Variants in TGFBR3 observed in about 807,000 individuals in gnomAD.
The protein encoded by TGFBR3 is transforming growth factor beta receptor 3, also known as transforming growth factor beta receptor type 3.
A neutral mutation model predicts 87.9 loss-of-function variants in TGFBR3; 46 were observed. The observed-to-expected ratio is 0.52, with a 90% CI of 0.41 to 0.67. The LOEUF is 0.67. Among genes scored for constraint, TGFBR3 ranks in the 30% least tolerant of loss-of-function variants. The pLI, the probability that TGFBR3 is intolerant of heterozygous loss-of-function variation, is 0.00. For synonymous variants in TGFBR3, 381 were observed against 391.6 expected, an observed-to-expected ratio of 0.97 and a Z score of 0.32; for missense variants, 866 against 1,041.9, an observed-to-expected ratio of 0.83 and a Z score of 2.32.
At chr1:91,890,068 T>C (rs1679413853), upstream of TGFBR3, among the ~76,000 whole-genome samples, 1 of 152,232 alleles carries the variant, frequency 6.6e-6, no homozygotes, top group African/African-American at 2.4e-5. Flanking sequence ...TATTTGTTAC[T>C]GTAAGATACC....
chr1:91,830,167 A>G (rs717923), intron 2 of TGFBR3: 19,045 of 152,258 alleles, frequency 0.13, 1,510 homozygotes, highest in East Asian at 0.38. Context: ...CCTGAGCAAT[A>G]CAAGGCTGTG....
intron 5 of TGFBR3, among the ~76,000 whole-genome samples, chr1:91,733,140 C>G (rs372308698): frequency 1.3e-5 from 2 of 152,208 alleles, no homozygotes; most frequent in Non-Finnish European, 2.9e-5. Context: ...CCCAGCCCTC[C>G]TCTAAGTCCC....
At chr1:91,839,172 C>A (rs1677174642) in intron 2 of TGFBR3, among the ~76,000 whole-genome samples, 2 of 152,096 alleles carry the variant, frequency 1.3e-5, no homozygotes, top group Admixed American at 6.6e-5. Context: ...GAGACACGGT[C>A]TCGCTGTGTT....
At chr1:91,798,111 T>C (rs898407651) in intron 2 of TGFBR3, among the ~76,000 whole-genome samples, 7 of 152,196 alleles carry the variant, frequency 4.6e-5, no homozygotes, top group African/African-American at 2.4e-5. Flanking sequence ...CTTCCTCTAA[T>C]CAGTCAAGCC....
intron 2 of TGFBR3, among the ~76,000 whole-genome samples, chr1:91,838,800 C>T (rs544103149): frequency 4.3e-4 from 65 of 152,106 alleles, no homozygotes; most frequent in Non-Finnish European, 7.2e-4. Flanking sequence ...ATTTCAAAGA[C>T]ACATGCACAG....
intron 3 of TGFBR3, among the ~76,000 whole-genome samples, chr1:91,787,002 C>T (rs1438131892): frequency 6.6e-6 from 1 of 152,038 alleles, no homozygotes; most frequent in Admixed American, 6.5e-5. Context: ...GTCAGTGAAC[C>T]CTCTAAAGAA....
intron 5 of TGFBR3, among the ~76,000 whole-genome samples, chr1:91,731,442 T>A (rs1672764165): frequency 6.6e-6 from 1 of 151,534 alleles, no homozygotes; most frequent in Admixed American, 6.6e-5. Flanking sequence ...CTCCTCTAAT[T>A]CCCCTCCCCC....
At chr1:91,887,260 T>TTTTTTTTC, upstream of TGFBR3, among the ~76,000 whole-genome samples, 1 of 137,614 alleles carries the variant, frequency 7.3e-6, no homozygotes, top group Non-Finnish European at 1.6e-5. Flanking sequence ...TTTTTTTTTT[T>TTTTTTTTC]TTTGAGATGG....
At chr1:91,720,271 C>A (rs1672319884) in intron 8 of TGFBR3, 41 bp from the exon 9 acceptor site, 1 of 1,528,500 alleles carries the variant, frequency 6.5e-7, no homozygotes, top group Admixed American at 1.9e-5. Context: ...GTGTTTGATG[C>A]CAGGCCACAA....
At chr1:91,736,333 A>C (rs1672967112) in intron 4 of TGFBR3, among the ~76,000 whole-genome samples, 1 of 150,576 alleles carries the variant, frequency 6.6e-6, no homozygotes, top group East Asian at 2.1e-4. Flanking sequence ...ATACGTAGTA[A>C]GTGTGCAGTC....
At chr1:91,735,044 T>C in intron 4 of TGFBR3, 85 bp from the exon 5 acceptor site, 1 of 1,492,078 alleles carries the variant, frequency 6.7e-7, no homozygotes, top group Non-Finnish European at 9.3e-7. Context: ...CAAATCGAAG[T>C]GCTTGTAAAT....
chr1:91,829,936 A>C (rs546109169), intron 2 of TGFBR3: 27 of 152,166 alleles, frequency 1.8e-4, no homozygotes, highest in Non-Finnish European at 2.6e-4. Context: ...TCCCCAGGGA[A>C]GTCACCACAC....
At chr1:91,732,642 G>C (rs1013632618) in intron 5 of TGFBR3, among the ~76,000 whole-genome samples, 1 of 152,152 alleles carries the variant, frequency 6.6e-6, no homozygotes, top group Non-Finnish European at 1.5e-5. Context: ...ACCTCACCAA[G>C]GAACCTCCTT....
rs1192750187 is a variant in TGFBR3 at position 91,859,595 on chromosome 1, AAAC to A, written c.61+1873_61+1875del. Among the ~76,000 whole-genome samples, 8 of 152,218 alleles carry A rather than the reference AAAC, an allele frequency of 5.3e-5. No individual in the cohort carries two copies. In the East Asian group the frequency reaches 1.3e-3, roughly 26 times the overall value. On this transcript the variant is annotated intron_variant, in intron 2 of 16. Coordinates refer to ENST00000212355, the MANE Select transcript of TGFBR3 (RefSeq NM_003243.5). ...TGAAATTCATAAACTGGCATTCAAA[AAAC>A]AACAACAACAAAAAAGGCCTAGCAA...
intron 5 of TGFBR3, among the ~76,000 whole-genome samples, chr1:91,734,151 T>C (rs1330117431): frequency 1.1e-4 from 17 of 152,120 alleles, no homozygotes; most frequent in Admixed American, 1.0e-3. Flanking sequence ...TAAAAAAGGC[T>C]TTCAAAACTG....
At chr1:91,749,650 T>C (rs1490568160) in intron 4 of TGFBR3, among the ~76,000 whole-genome samples, 2 of 151,694 alleles carry the variant, frequency 1.3e-5, no homozygotes, top group East Asian at 1.9e-4. Context: ...CATCCTGGAG[T>C]TGCTTTCTGA....
intron 2 of TGFBR3, among the ~76,000 whole-genome samples, chr1:91,857,288 C>G: frequency 6.6e-6 from 1 of 152,058 alleles, no homozygotes; most frequent in East Asian, 1.9e-4. Context: ...TCATAATCTA[C>G]TCCATCCTTC....
At chr1:91,886,248 G>C, upstream of TGFBR3, 1 of 441,646 alleles carries the variant, frequency 2.3e-6, no homozygotes, top group African/African-American at 2.0e-5. Context: ...GGGGGGAAGG[G>C]CGCTCCTCCG....
In TGFBR3 at chr1:91,797,357, C is replaced by T. The variant is rs745956756; in HGVS notation, c.176G>A (p.Gly59Glu). 1 of 1,614,202 alleles carries T rather than the reference C, an allele frequency of 6.2e-7. No homozygotes were observed. Among genetic ancestry groups the T allele is most frequent in the South Asian group, 1.1e-5 (1 of 91,078 alleles). The stretch of plus-strand genomic sequence containing the variant: ...CAGGACATGCACCTCCTGTGGCAGC[C>T]CAGTTGTGCCTCTGCTGGCACAGCC... ...LSGCASRGTT[G>E]LPQEVHVLNL... The change falls in exon 3 of 17, where the codon GGG (glycine) becomes GAG (glutamate). Residue 59 changes from glycine (G) to glutamate (E), a missense_variant. By Grantham distance (98) the Gly-to-Glu change is moderately conservative (BLOSUM62 -2). Transcript: ENST00000212355.
Sources: allele counts gnomAD v4.1 joint callset (sites outside exome capture counted in the v4.1 genomes callset), GRCh38; gene constraint gnomAD v4.1.1; transcripts MANE v1.5; gene names NCBI Gene and HGNC (gene_info 2026-07-23, HGNC 2026-07-21).